The following NDST4 variants were observed in gnomAD, a reference collection of about 807,000 sequenced individuals.
NDST4 encodes the protein N-deacetylase and N-sulfotransferase 4, also known as N-heparan sulfate sulfotransferase 4.
A neutral mutation model predicts 100.8 loss-of-function variants in NDST4; 63 were observed. The observed-to-expected ratio is 0.62, with a 90% CI of 0.51 to 0.77. The LOEUF (loss-of-function observed/expected upper bound fraction) is 0.77. NDST4 is among the 30% of genes least tolerant of loss of function. The probability of loss-of-function intolerance (pLI) is 0.00; values close to 1 mark genes in which losing one functional copy is unlikely to be tolerated. For missense variants in NDST4, 943 were observed against 1,018.4 expected (o/e 0.93, Z 1.01); for synonymous variants, 377 against 361.8 (o/e 1.04, Z -0.48).
At chr4:115,000,337 CA>C (rs779440324) in intron 2 of NDST4, among the ~76,000 whole-genome samples, 9 of 151,822 alleles carry the variant, frequency 5.9e-5, no homozygotes, top group African/African-American at 1.2e-4. Context: ...TTTAACCTTT[CA>C]TTTTTTTTTA....
At chr4:115,065,919 G>A (rs1034465931) in intron 2 of NDST4, among the ~76,000 whole-genome samples, 2 of 152,116 alleles carry the variant, frequency 1.3e-5, no homozygotes, top group South Asian at 2.1e-4. Context: ...TCTGAGCTTA[G>A]GCTGATCCAC....
chr4:114,895,458 A>G (rs924318059), intron 6 of NDST4, among the ~76,000 whole-genome samples: 3 of 152,178 alleles, frequency 2.0e-5, no homozygotes, highest in Non-Finnish European at 4.4e-5. Context: ...CCCTGAATAG[A>G]CCAATAACAA....
At chr4:114,843,627 T>A (rs573386776) in intron 10 of NDST4, among the ~76,000 whole-genome samples, 1 of 152,308 alleles carries the variant, frequency 6.6e-6, no homozygotes, top group East Asian at 1.9e-4. Flanking sequence ...TCCACATCTT[T>A]CGCTTTGCCT....
At chr4:115,015,334 A>G (rs1350809879) in intron 2 of NDST4, among the ~76,000 whole-genome samples, 1 of 152,106 alleles carries the variant, frequency 6.6e-6, no homozygotes, top group African/African-American at 2.4e-5. Flanking sequence ...ATTCAGGTGC[A>G]GCACTATAGG....
At chr4:114,938,987 CT>C (rs1322987445) in intron 4 of NDST4, among the ~76,000 whole-genome samples, 4 of 152,144 alleles carry the variant, frequency 2.6e-5, no homozygotes, top group Non-Finnish European at 4.4e-5. Flanking sequence ...CTTCCTAGCA[CT>C]TGTGTTTCCA....
At chr4:115,061,859 C>T (rs889126425) in intron 2 of NDST4, among the ~76,000 whole-genome samples, 1 of 151,898 alleles carries the variant, frequency 6.6e-6, no homozygotes, top group African/African-American at 2.4e-5. Flanking sequence ...GCATGGCACA[C>T]TTAGTTGAAA....
At chr4:114,894,617 T>G (rs1724673085) in intron 6 of NDST4, among the ~76,000 whole-genome samples, 1 of 152,320 alleles carries the variant, frequency 6.6e-6, no homozygotes, top group South Asian at 2.1e-4. Context: ...CTGAAGTTGC[T>G]TATCAGTTCA....
intron 1 of NDST4, among the ~76,000 whole-genome samples, chr4:115,099,047 C>T (rs1025678246): frequency 1.3e-5 from 2 of 152,174 alleles, no homozygotes; most frequent in African/African-American, 4.8e-5. Flanking sequence ...TAATGCAATG[C>T]AGAAAGGATA....
intron 2 of NDST4, among the ~76,000 whole-genome samples, chr4:114,978,198 C>A (rs1726680731): frequency 6.6e-6 from 1 of 151,988 alleles, no homozygotes; most frequent in Non-Finnish European, 1.5e-5. Flanking sequence ...TAATTTCAAA[C>A]AAGAGATATT....
rs188379072 is a variant in NDST4, at chr4:114,880,468, C to T, written c.1537-9518G>A. Among the ~76,000 whole-genome samples the T allele has an allele frequency of 2.6e-5, 4 of 152,120 alleles. No individual in the cohort carries two copies. The East Asian group carries it at 7.7e-4, about 29-fold the overall frequency. On this transcript the variant is annotated intron_variant, in intron 6 of 13. Transcript: ENST00000264363. ...AGTCACTGAAGTGCAAATTCATAAC[C>T]CCAGGAATAATCATGGGCAGTTCAG... is the stretch of plus-strand genomic sequence containing the variant.
chr4:114,869,405 C>G (rs1724100141), intron 7 of NDST4, among the ~76,000 whole-genome samples: 1 of 151,872 alleles, frequency 6.6e-6, no homozygotes, highest in Non-Finnish European at 1.5e-5. Flanking sequence ...TTTATATAAA[C>G]ATTTGTGACA....
chr4:115,052,624 CT>C (rs140633184), intron 2 of NDST4, among the ~76,000 whole-genome samples: 4,374 of 152,200 alleles, frequency 0.029, 176 homozygotes, highest in African/African-American at 0.088. Context: ...TAAGACGTGA[CT>C]TTTGCTCCTT....
At chr4:114,886,882 T>C (rs1724491777) in intron 6 of NDST4, among the ~76,000 whole-genome samples, 1 of 152,166 alleles carries the variant, frequency 6.6e-6, no homozygotes, top group African/African-American at 2.4e-5. Flanking sequence ...TAGAGAAGTC[T>C]TAGCTTTATG....
chr4:115,059,250 G>A (rs1359440610), intron 2 of NDST4, among the ~76,000 whole-genome samples: 1 of 151,896 alleles, frequency 6.6e-6, no homozygotes, highest in Admixed American at 6.6e-5. Flanking sequence ...GGATTGGAAG[G>A]GACATTAAGT....
rs193227407 is a variant in NDST4, at chr4:114,848,879, A to G, written c.1817-541T>C. Among the ~76,000 whole-genome samples the G allele has an allele frequency of 3.3e-5, 5 of 152,352 alleles. No individual in the cohort carries two copies. In the East Asian group the frequency reaches 9.7e-4, roughly 29 times the overall value. On this transcript the variant is annotated intron_variant, in intron 8 of 13. Transcript: ENST00000264363. ...TCCCTGTGTGGACTTGGACAAGTAC[A>G]CAAGTAATTGTGATGTTGTGGGACA...
At chr4:114,926,622 T>C (rs949448362) in intron 6 of NDST4, among the ~76,000 whole-genome samples, 18 of 151,706 alleles carry the variant, frequency 1.2e-4, no homozygotes, top group Non-Finnish European at 2.5e-4. Context: ...ATAGATACAG[T>C]TGTATTGTAG....
chr4:115,097,836 C>G (rs1729651522), intron 1 of NDST4, among the ~76,000 whole-genome samples: 1 of 152,184 alleles, frequency 6.6e-6, no homozygotes, highest in Non-Finnish European at 1.5e-5. Flanking sequence ...CTGGGCCTCT[C>G]TATATTCTCC....
At position 114,847,375 on chromosome 4, in the gene NDST4, C is replaced by CAAAAAAAAAA. The variant is rs57987259; in HGVS notation, c.1940+830_1940+839dup. On this transcript the variant is annotated intron_variant, in intron 9 of 13. Transcript: ENST00000264363. ...TGGGCGACAGAGCGAGACTCCGTCT[C>CAAAAAAAAAA]AAAAAAAAAAAAAAAAAAAAAAAAA... 4.9e-4 allele frequency among the ~76,000 whole-genome samples: 9 copies of CAAAAAAAAAA among 18,236 alleles called. 3 individuals are homozygous for CAAAAAAAAAA. Among genetic ancestry groups the CAAAAAAAAAA allele is most frequent in the Non-Finnish European group, 7.0e-4 (8 of 11,426 alleles). 12.0% of individuals were successfully genotyped at this position (18,236 alleles called of 152,430 possible).
chr4:114,961,077 G>A (rs539600743), intron 4 of NDST4, among the ~76,000 whole-genome samples: 1 of 152,064 alleles, frequency 6.6e-6, no homozygotes, highest in African/African-American at 2.4e-5. Flanking sequence ...ATTCTGAGAA[G>A]TTAAAATGTA....
Sources: allele counts gnomAD v4.1 joint callset (sites outside exome capture counted in the v4.1 genomes callset), GRCh38; gene constraint gnomAD v4.1.1; transcripts MANE v1.5; gene names NCBI Gene and HGNC (gene_info 2026-07-23, HGNC 2026-07-21).